ACER1: variants seen among roughly 807,000 people sequenced by gnomAD.
The protein encoded by ACER1 is alkaline ceramidase 1.
Under a neutral mutation model 24.9 loss-of-function variants are expected in ACER1, and 28 were observed. The observed-to-expected ratio is 1.13, with a 90% CI of 0.83 to 1.54. The LOEUF is 1.54. ACER1 is among the 40% of genes most tolerant of loss of function. The pLI, the probability that ACER1 is intolerant of heterozygous loss-of-function variation, is 0.00. For synonymous variants in ACER1, 132 were observed against 131.4 expected (o/e 1.00, Z -0.03); for missense variants, 352 against 349.3 (o/e 1.01, Z -0.06).
chr19:6,311,576 G>A (rs2091580696), intron 3 of ACER1, among the ~76,000 whole-genome samples: 1 of 150,812 alleles, frequency 6.6e-6, no homozygotes, highest in East Asian at 2.0e-4. Flanking sequence ...GGAGGAGGAA[G>A]AAAAAGAAGA....
chr19:6,320,097 T>C (rs1368010313), intron 1 of ACER1, among the ~76,000 whole-genome samples: 1 of 127,662 alleles, frequency 7.8e-6, no homozygotes, highest in Non-Finnish European at 1.7e-5. Context: ...AGAGAGATTC[T>C]GTCTCAAAAA....
At chr19:6,340,525 C>T in the ACER1 span, among the ~76,000 whole-genome samples, 6 of 152,152 alleles carry the variant, frequency 3.9e-5, no homozygotes, top group South Asian at 2.1e-4. Flanking sequence ...TCCCCAGTAG[C>T]GACCCTGACT....
At chr19:6,333,317 G>T in intron 1 of ACER1, 142 bp downstream of exon 1, 1 of 592,458 alleles carries the variant, frequency 1.7e-6, no homozygotes, top group Non-Finnish European at 2.8e-6. Context: ...ATGAAAGCTG[G>T]CACTCTTTGG....
intron 1 of ACER1, among the ~76,000 whole-genome samples, chr19:6,319,523 A>ATTCG (rs2091619928): frequency 6.6e-6 from 1 of 151,704 alleles, no homozygotes; most frequent in Admixed American, 6.6e-5. Context: ...TCATTCATTC[A>ATTCG]TTCATTCATT....
At chr19:6,325,757 G>A (rs1264243001) in intron 1 of ACER1, among the ~76,000 whole-genome samples, 3 of 152,070 alleles carry the variant, frequency 2.0e-5, no homozygotes, top group African/African-American at 7.2e-5. Context: ...CTACTCTGGG[G>A]GCTGAGACGG....
At position 6,333,510 on chromosome 19, in the gene ACER1, C is replaced by G; in HGVS notation, c.42G>C (p.Trp14Cys). Residue 14 changes from tryptophan (W) to cysteine (C), a missense_variant, in exon 1 of 6, where the codon TGG becomes TGC. Coordinates refer to ENST00000301452, the MANE Select transcript of ACER1 (RefSeq NM_133492.3). ...CCGAGTACTGGAAGTTGCTCTCACA[C>G]CAGTCCACCTCGGAGCTCTGATAGG... ...IFAYQSSEVD[W>C]CESNFQYSEL... is the part of the protein sequence containing the mutation. 6.3e-7 allele frequency: 1 copy of G among 1,594,072 alleles called. No individual in the cohort carries two copies. Among genetic ancestry groups the G allele is most frequent in the Non-Finnish European group, 8.5e-7 (1 of 1,169,674 alleles).
chr19:6,311,204 C>G (rs1254010136), intron 3 of ACER1, among the ~76,000 whole-genome samples: 1 of 150,774 alleles, frequency 6.6e-6, no homozygotes, highest in Non-Finnish European at 1.5e-5. Context: ...GACAGGGGTC[C>G]CAGAGGTCAA....
At chr19:6,335,667 A>T (rs1172860894), upstream of ACER1, among the ~76,000 whole-genome samples, 1 of 151,820 alleles carries the variant, frequency 6.6e-6, no homozygotes, top group Non-Finnish European at 1.5e-5. Flanking sequence ...CATTTCTACT[A>T]AAAATACAAA....
chr19:6,312,567 C>T, intron 1 of ACER1, 68 bp from the exon 2 acceptor site: 2 of 1,247,178 alleles, frequency 1.6e-6, no homozygotes, highest in Non-Finnish European at 2.3e-6. Flanking sequence ...GCCCTCTGTC[C>T]AGACACTCAG....
intron 1 of ACER1, among the ~76,000 whole-genome samples, chr19:6,331,339 C>T (rs1265053948): frequency 2.7e-5 from 4 of 147,590 alleles, no homozygotes; most frequent in Admixed American, 6.7e-5. Flanking sequence ...TTAGCACAGA[C>T]GGCATTTCAC....
At chr19:6,317,758 G>GT (rs773322221) in intron 1 of ACER1, among the ~76,000 whole-genome samples, 78 of 151,444 alleles carry the variant, frequency 5.2e-4, no homozygotes, top group Non-Finnish European at 9.6e-4. Flanking sequence ...TTGTTTTTGT[G>GT]TTTTTTTTCT....
chr19:6,315,944 A>G lies in ACER1; in HGVS notation c.94-3445T>C, dbSNP rs563775964. ...GGAATTCGAGACCAGCCTGGCCAAC[A>G]TGGTGAAACCCCATCTCTACAAAAA... On this transcript the variant is annotated intron_variant, in intron 1 of 5. Coordinates refer to ENST00000301452, the MANE Select transcript of ACER1 (RefSeq NM_133492.3). Among the ~76,000 whole-genome samples the G allele has an allele frequency of 2.0e-5, 3 of 152,354 alleles. No homozygotes were observed. In the East Asian group the frequency reaches 5.8e-4, roughly 29 times the overall value.
At chr19:6,342,385 C>T in the ACER1 span, among the ~76,000 whole-genome samples, 12 of 150,292 alleles carry the variant, frequency 8.0e-5, no homozygotes, top group Admixed American at 2.7e-4. Flanking sequence ...CATAGGCAGA[C>T]TGTGTCTCTA....
chr19:6,325,498 C>G (rs1393002097), intron 1 of ACER1, among the ~76,000 whole-genome samples: 1 of 152,020 alleles, frequency 6.6e-6, no homozygotes, highest in Non-Finnish European at 1.5e-5. Context: ...ATTAAAAATA[C>G]AAAAAATTAG....
intron 1 of ACER1, among the ~76,000 whole-genome samples, chr19:6,324,889 A>G (rs1017822606): frequency 1.1e-4 from 17 of 150,268 alleles, no homozygotes; most frequent in African/African-American, 3.2e-4. Flanking sequence ...GGAAGGAAGG[A>G]AGGAAGGAAG....
chr19:6,321,291 A>G (rs2091629514), intron 1 of ACER1, among the ~76,000 whole-genome samples: 1 of 151,830 alleles, frequency 6.6e-6, no homozygotes, highest in Admixed American at 6.6e-5. Flanking sequence ...GCCCATCACC[A>G]TGCTTGTCTA....
chr19:6,313,001 C>T (rs772181202), intron 1 of ACER1, among the ~76,000 whole-genome samples: 9 of 152,146 alleles, frequency 5.9e-5, no homozygotes, highest in Non-Finnish European at 1.3e-4. Flanking sequence ...TCTTGACCAT[C>T]AGCTGGTCAT....
chr19:6,308,395 A>G (rs966012520), intron 4 of ACER1, among the ~76,000 whole-genome samples: 4 of 146,360 alleles, frequency 2.7e-5, no homozygotes, highest in African/African-American at 1.0e-4. Context: ...GGATCGCACC[A>G]TTGCACTCCA....
At chr19:6,332,266 C>CTT (rs1199664621) in intron 1 of ACER1, among the ~76,000 whole-genome samples, 2,532 of 99,742 alleles carry the variant, frequency 0.025, 141 homozygotes, top group African/African-American at 0.075. Flanking sequence ...CGCGCCCGGC[C>CTT]TTTTTTTTTT....
Sources: allele counts gnomAD v4.1 joint callset (sites outside exome capture counted in the v4.1 genomes callset), GRCh38; gene constraint gnomAD v4.1.1; transcripts MANE v1.5; gene names NCBI Gene and HGNC (gene_info 2026-07-23, HGNC 2026-07-21).